The following CA10 variants were observed in gnomAD, a reference collection of about 807,000 sequenced individuals.
The protein encoded by CA10 is carbonic anhydrase-related protein 10.
In CA10, 14 loss-of-function variants were observed where a neutral mutation model predicts 44.2. The ratio of observed to expected loss-of-function variants is 0.32; its 90% CI spans 0.21 to 0.50. The LOEUF is 0.50. CA10 is among the 20% of genes least tolerant of loss of function. The pLI, the probability that CA10 is intolerant of heterozygous loss-of-function variation, is 0.99. For synonymous variants in CA10, 159 were observed against 141.6 expected, an observed-to-expected ratio of 1.12 and a Z score of -0.87; for missense variants, 350 against 409.7, an observed-to-expected ratio of 0.85 and a Z score of 1.26.
intron 3 of CA10, among the ~76,000 whole-genome samples, chr17:51,913,094 G>A (rs1567882616): frequency 6.6e-6 from 1 of 152,174 alleles, no homozygotes; most frequent in Non-Finnish European, 1.5e-5. Context: ...CCTCCTGAAT[G>A]GCAGGCTAGT....
intron 2 of CA10, among the ~76,000 whole-genome samples, chr17:51,978,666 A>T (rs1844209489): frequency 6.6e-6 from 1 of 152,126 alleles, no homozygotes; most frequent in Admixed American, 6.6e-5. Context: ...ATTAACCATT[A>T]ATTGAAAAAT....
chr17:52,069,518 T>C (rs1452607703), intron 2 of CA10, among the ~76,000 whole-genome samples: 1 of 152,210 alleles, frequency 6.6e-6, no homozygotes, highest in East Asian at 1.9e-4. Context: ...CCCAATACTG[T>C]GTTGCCTCCT....
chr17:52,115,750 A>T (rs550871357), intron 1 of CA10, among the ~76,000 whole-genome samples: 3 of 152,134 alleles, frequency 2.0e-5, no homozygotes, highest in Non-Finnish European at 4.4e-5. Flanking sequence ...ATGCACCGGG[A>T]GTCTTCCCCT....
intron 4 of CA10, among the ~76,000 whole-genome samples, chr17:51,660,652 G>A (rs1350873437): frequency 6.6e-6 from 1 of 152,184 alleles, no homozygotes; most frequent in Non-Finnish European, 1.5e-5. Context: ...TGCTCCATTA[G>A]CAGAAGCCCT....
At chr17:51,656,899 T>A (rs1005235829) in intron 4 of CA10, among the ~76,000 whole-genome samples, 8 of 152,140 alleles carry the variant, frequency 5.3e-5, no homozygotes, top group African/African-American at 1.9e-4. Flanking sequence ...TTTGGGTGGG[T>A]TAAGGAGCAC....
At chr17:51,753,714 G>A (rs960881093) in intron 3 of CA10, among the ~76,000 whole-genome samples, 2 of 152,182 alleles carry the variant, frequency 1.3e-5, no homozygotes, top group African/African-American at 4.8e-5. Context: ...GGGCATACCT[G>A]TCTTACCTGG....
chr17:51,844,345 G>A (rs1190773080), intron 3 of CA10, among the ~76,000 whole-genome samples: 1 of 152,080 alleles, frequency 6.6e-6, no homozygotes, highest in African/African-American at 2.4e-5. Context: ...ATTTTTATTA[G>A]AAAAATTGTA....
At position 51,930,979 on chromosome 17, in the gene CA10, T is replaced by C; in HGVS notation, c.279+11A>G. On this transcript the variant is annotated intron_variant, in intron 3 of 8. Transcript: ENST00000451037. Reference sequence around the variant, plus strand: ...CTTCAACTTTACCATGGAAGCAATATGGTGGCTTACCTTCCTGCCCCCCGT... The same window carrying C: ...CTTCAACTTTACCATGGAAGCAATACGGTGGCTTACCTTCCTGCCCCCCGT... 6.2e-7 allele frequency: 1 copy of C among 1,612,710 alleles called. No homozygotes were observed. The highest frequency in any genetic ancestry group is 8.5e-7 in the Non-Finnish European group (1 of 1,179,336).
intron 1 of CA10, among the ~76,000 whole-genome samples, chr17:52,143,515 A>T (rs1037796801): frequency 8.5e-5 from 13 of 152,110 alleles, no homozygotes; most frequent in Admixed American, 5.2e-4. Flanking sequence ...TGTTCTTTTT[A>T]AAAAAAGAGA....
intron 4 of CA10, among the ~76,000 whole-genome samples, chr17:51,723,283 G>A (rs191061287): frequency 3.0e-4 from 46 of 152,292 alleles, no homozygotes; most frequent in Admixed American, 1.4e-3. Context: ...GAGGATCAAG[G>A]TTACAGCTAA....
chr17:52,156,820 G>T (rs1347684867), intron 1 of CA10, among the ~76,000 whole-genome samples: 2 of 152,010 alleles, frequency 1.3e-5, no homozygotes, highest in African/African-American at 2.4e-5. Context: ...GAAGGGAAAT[G>T]GGGTGGGTGC....
intron 4 of CA10, among the ~76,000 whole-genome samples, chr17:51,731,587 G>T (rs767954818): frequency 7.2e-6 from 1 of 138,964 alleles, no homozygotes; most frequent in Non-Finnish European, 1.5e-5. Context: ...CCTAAAGTCC[G>T]CATTTTTAAA....
intron 3 of CA10, among the ~76,000 whole-genome samples, chr17:51,804,222 ATAAAT>A (rs1301661019): frequency 6.6e-6 from 1 of 152,200 alleles, no homozygotes; most frequent in Non-Finnish European, 1.5e-5. Flanking sequence ...ACAAATTTCT[ATAAAT>A]TAATCTGGAG....
chr17:51,978,256 C>T (rs913008453), intron 2 of CA10, among the ~76,000 whole-genome samples: 1 of 151,756 alleles, frequency 6.6e-6, no homozygotes, highest in Admixed American at 6.6e-5. Context: ...AAAAACTTAC[C>T]GTAAAGCTTC....
chr17:51,758,034 A>G (rs1567829759), intron 3 of CA10, among the ~76,000 whole-genome samples: 1 of 152,086 alleles, frequency 6.6e-6, no homozygotes, highest in Non-Finnish European at 1.5e-5. Flanking sequence ...AGGAGAGTTG[A>G]TGTACTTCTG....
At chr17:51,985,422 T>C (rs1984798768) in intron 2 of CA10, among the ~76,000 whole-genome samples, 1 of 151,890 alleles carries the variant, frequency 6.6e-6, no homozygotes, top group Admixed American at 6.6e-5. Flanking sequence ...TGGCAAAACG[T>C]TGAAAGGATT....
chr17:51,645,708 C>T (rs1229025029), intron 6 of CA10, among the ~76,000 whole-genome samples: 1 of 152,192 alleles, frequency 6.6e-6, no homozygotes, highest in Non-Finnish European at 1.5e-5. Flanking sequence ...GCTTTCCTTC[C>T]TCCTTAGGGA....
chr17:51,789,950 T>G (rs1237175801), intron 3 of CA10, among the ~76,000 whole-genome samples: 1 of 152,154 alleles, frequency 6.6e-6, no homozygotes, highest in Non-Finnish European at 1.5e-5. Flanking sequence ...CACATTATCT[T>G]ACATCCCATT....
At chr17:52,083,822 A>T (rs917956538) in intron 1 of CA10, among the ~76,000 whole-genome samples, 2 of 152,166 alleles carry the variant, frequency 1.3e-5, no homozygotes, top group African/African-American at 4.8e-5. Flanking sequence ...ATTGATAGAG[A>T]CTTATGTTGA....
Sources: allele counts gnomAD v4.1 joint callset (sites outside exome capture counted in the v4.1 genomes callset), GRCh38; gene constraint gnomAD v4.1.1; transcripts MANE v1.5; gene names NCBI Gene and HGNC (gene_info 2026-07-23, HGNC 2026-07-21).